The following CC2D1B variants were observed in gnomAD, a reference collection of about 807,000 sequenced individuals.
CC2D1B encodes the protein coiled-coil and C2 domain-containing protein 1B.
A neutral mutation model predicts 110.8 loss-of-function variants in CC2D1B; 92 were observed. That is an observed-to-expected ratio of 0.83 (90% confidence interval 0.70 to 0.99). The LOEUF (loss-of-function observed/expected upper bound fraction) is 0.99. Ranked by LOEUF, CC2D1B falls within the 50% of genes least tolerant of loss-of-function variation. The pLI is 0.00. For missense variants in CC2D1B, 1,136 were observed against 1,089.0 expected (o/e 1.04, Z -0.61); for synonymous variants, 406 against 429.2 (o/e 0.95, Z 0.67).
At chr1:52,358,826 C>T in intron 11 of CC2D1B, 68 bp from the exon 12 acceptor site, 1 of 1,502,512 alleles carries the variant, frequency 6.7e-7, no homozygotes, top group Non-Finnish European at 9.1e-7. Flanking sequence ...CAACATGACA[C>T]ACAGTGGGGC....
chr1:52,360,828 T>C, intron 5 of CC2D1B, 146 bp downstream of exon 5: 1 of 1,076,642 alleles, frequency 9.3e-7, no homozygotes. Flanking sequence ...AGGAGTTTCT[T>C]GTGCTCAGTT....
At chr1:52,358,189 G>A in intron 13 of CC2D1B, 142 bp downstream of exon 13, 2 of 1,207,700 alleles carry the variant, frequency 1.7e-6, no homozygotes, top group Non-Finnish European at 2.3e-6. Context: ...CTAGCTGGGT[G>A]TCCTTGGGCA....
chr1:52,359,172 GGAA>G lies in CC2D1B; in HGVS notation c.1127-18_1127-16del, dbSNP rs1225707811. The G allele has an allele frequency of 1.2e-6, 2 of 1,609,452 alleles. No individual in the cohort carries two copies. Among genetic ancestry groups the G allele is most frequent in the Admixed American group, 1.7e-5 (1 of 59,944 alleles). ...TGTAGGGGCCACTTGAAGGAAAGAA[GGAA>G]GAAGTGGGCATCAGGTCAGCCTGCC... On this transcript the variant is annotated splice_polypyrimidine_tract_variant and intron_variant, in intron 10 of 24. Coordinates refer to ENST00000284376, the MANE Select transcript of CC2D1B (RefSeq NM_001330585.2).
In CC2D1B at chr1:52,366,105, C is replaced by T. The variant is rs753210811; in HGVS notation, c.-51G>A. The T allele has an allele frequency of 6.6e-6, 1 of 152,316 alleles. No individual in the cohort carries two copies. Among genetic ancestry groups the T allele is most frequent in the African/African-American group, 2.4e-5 (1 of 41,466 alleles). The allele number at this position is 152,316 out of a possible 1,614,324, so 9.4% of individuals were successfully genotyped here. Reference sequence around the variant, plus strand: ...TCCGAGCCAAACCCCGGCCTTGTCTCACCCGGCACCGCCCTGGGCTCCCGC... The same window carrying T: ...TCCGAGCCAAACCCCGGCCTTGTCTTACCCGGCACCGCCCTGGGCTCCCGC... On this transcript the variant is annotated 5_prime_UTR_variant, in exon 1 of 25. Transcript: ENST00000284376.
Position 52,357,627 on chromosome 1 carries a change from T to C in CC2D1B, c.1651A>G (p.Ser551Gly), listed in dbSNP as rs565940419. ...YQRAALQAKRSQDLEQAKAYL... is the reference protein window; with the variant it reads ...YQRAALQAKRGQDLEQAKAYL... ...GCTTTGGCCTGCTCCAGGTCCTGGC[T>C]GCGCTTGGCCTGCAGGGCTGCCCGC... The change falls in exon 15 of 25, where the codon AGC becomes GGC. Residue 551 changes from serine (S) to glycine (G), a missense_variant. Transcript: ENST00000284376. The C allele has an allele frequency of 3.1e-5, 49 of 1,593,318 alleles. No homozygotes were observed. The highest frequency in any genetic ancestry group is 1.5e-4 in the South Asian group (13 of 88,188).
At chr1:52,359,587 C>A in intron 8 of CC2D1B, 53 bp from the exon 9 acceptor site, 3 of 1,595,170 alleles carry the variant, frequency 1.9e-6, no homozygotes, top group Non-Finnish European at 2.6e-6. Flanking sequence ...CCCCAAGAGC[C>A]TGGGCTGAAA....
chr1:52,358,576 C>T, intron 12 of CC2D1B, 110 bp downstream of exon 12: 1 of 1,578,642 alleles, frequency 6.3e-7, no homozygotes, highest in Non-Finnish European at 8.7e-7. Context: ...ATGGATGGCT[C>T]CACAGAGGGG....
chr1:52,363,273 T>C (rs1646820291), intron 2 of CC2D1B, among the ~76,000 whole-genome samples: 1 of 151,770 alleles, frequency 6.6e-6, no homozygotes, highest in Non-Finnish European at 1.5e-5. Flanking sequence ...CGGGCGCCTG[T>C]AGTCCCAGCT....
chr1:52,362,551 C>T, intron 3 of CC2D1B, 51 bp downstream of exon 3: 1 of 1,609,496 alleles, frequency 6.2e-7, no homozygotes, highest in Non-Finnish European at 8.5e-7. Flanking sequence ...CTACCACCAG[C>T]CTGTGCCCAT....
chr1:52,356,515 T>C (rs1238765927), intron 16 of CC2D1B, 73 bp from the exon 17 acceptor site: 1 of 1,516,704 alleles, frequency 6.6e-7, no homozygotes, highest in Admixed American at 1.7e-5. Context: ...AAGGCTAGAC[T>C]TCTCAAAGCT....
At position 52,356,986 on chromosome 1, in the gene CC2D1B, G is replaced by A. The variant is rs928449583; in HGVS notation, c.1878+15C>T. The stretch of plus-strand genomic sequence containing the variant: ...GTGGGCACAGAGGGGAGGAACAGAC[G>A]AGGGGCCTGCTGACCTCTTGTTGCT... On this transcript the variant is annotated intron_variant, in intron 16 of 24. Transcript: ENST00000284376. 1.1e-5 allele frequency: 17 copies of A among 1,549,790 alleles called. No individual in the cohort carries two copies. The highest frequency in any genetic ancestry group is 5.9e-5 in the Admixed American group (3 of 50,706).
At chr1:52,362,791 T>TCC in intron 2 of CC2D1B, 45 bp from the exon 3 acceptor site, 2 of 1,604,256 alleles carry the variant, frequency 1.2e-6, no homozygotes, top group Non-Finnish European at 1.7e-6. Context: ...ACAAGCAGGG[T>TCC]AGGGTCCAGC....
At chr1:52,353,465 TAGTTG>T in intron 24 of CC2D1B, 48 bp downstream of exon 24, 1 of 1,564,450 alleles carries the variant, frequency 6.4e-7, no homozygotes, top group African/African-American at 1.4e-5. Context: ...GTTGAGTAGT[TAGTTG>T]AGTAAAAGGA....
intron 20 of CC2D1B, 50 bp downstream of exon 20, chr1:52,355,558 C>T (rs928158092): frequency 4.3e-6 from 7 of 1,611,402 alleles, no homozygotes; most frequent in Non-Finnish European, 5.1e-6. Flanking sequence ...GCACAGGGTC[C>T]TGGAATGCAA....
intron 23 of CC2D1B, chr1:52,354,394 A>AG (rs761059516): frequency 1.4e-5 from 10 of 697,794 alleles, no homozygotes; most frequent in Non-Finnish European, 2.6e-6. Flanking sequence ...CATGGAAACA[A>AG]GGAGGCTGCC....
At chr1:52,359,575 G>A in intron 8 of CC2D1B, 41 bp from the exon 9 acceptor site, 2 of 1,603,542 alleles carry the variant, frequency 1.2e-6, no homozygotes, top group Non-Finnish European at 1.7e-6. Flanking sequence ...AAAGACAGGG[G>A]ACCCCAAGAG....
chr1:52,359,574 G>A, intron 8 of CC2D1B, 40 bp from the exon 9 acceptor site: 1 of 1,605,968 alleles, frequency 6.2e-7, no homozygotes, highest in Non-Finnish European at 8.5e-7. Flanking sequence ...GAAAGACAGG[G>A]GACCCCAAGA....
At chr1:52,361,792 C>T (rs538423312) in intron 3 of CC2D1B, among the ~76,000 whole-genome samples, 176 bp from the exon 4 acceptor site, 1 of 152,274 alleles carries the variant, frequency 6.6e-6, no homozygotes, top group Admixed American at 6.5e-5. Flanking sequence ...AACAGGGAAA[C>T]CTTCCTTGGC....
chr1:52,360,033 G>T (rs776484657), intron 7 of CC2D1B, 41 bp downstream of exon 7: 11 of 1,552,566 alleles, frequency 7.1e-6, no homozygotes, highest in Non-Finnish European at 9.6e-6. Flanking sequence ...TGTGGGCTAT[G>T]ACCCCAGGAA....
Sources: allele counts gnomAD v4.1 joint callset (sites outside exome capture counted in the v4.1 genomes callset), GRCh38; gene constraint gnomAD v4.1.1; transcripts MANE v1.5; gene names NCBI Gene and HGNC (gene_info 2026-07-23, HGNC 2026-07-21).